FAM216A: variants seen among roughly 807,000 people sequenced by gnomAD.
The protein encoded by FAM216A is protein FAM216A.
Under a neutral mutation model 37.6 loss-of-function variants are expected in FAM216A, and 26 were observed. That is an observed-to-expected ratio of 0.69 (90% CI 0.51 to 0.96). FAM216A has a LOEUF of 0.96. Ranked by LOEUF, FAM216A falls within the 40% of genes least tolerant of loss-of-function variation. The pLI is 0.00. For missense variants in FAM216A, 326 were observed against 339.3 expected (o/e 0.96, Z 0.31); for synonymous variants, 110 against 121.7 (o/e 0.90, Z 0.64).
rs756703988 is a variant in FAM216A at position 110,490,062 on chromosome 12, GGAA to G, written c.753_755del (p.Glu251del). ...AATCACACATGAGTGAAGAAAAAAA[GGAA>G]GAAGATTTACTAAATAATTTTATGC... is the stretch of plus-strand genomic sequence containing the variant. On this transcript the variant is annotated inframe_deletion, in exon 7 of 7. Transcript: ENST00000377673. The G allele has an allele frequency of 8.2e-5, 128 of 1,555,282 alleles. 1 individual carries two copies. In the South Asian group the frequency reaches 1.0e-3, roughly 13 times the overall value.
At chr12:110,477,715 TC>T in intron 2 of FAM216A, among the ~76,000 whole-genome samples, 1 of 151,156 alleles carries the variant, frequency 6.6e-6, no homozygotes, top group Middle Eastern at 3.4e-3. Flanking sequence ...ATGTGCTTTT[TC>T]TTTTTTTTTG....
chr12:110,475,573 CTTTA>C (rs2062710565), intron 2 of FAM216A, among the ~76,000 whole-genome samples: 1 of 151,640 alleles, frequency 6.6e-6, no homozygotes, highest in Admixed American at 6.6e-5. Context: ...TGTGTATTTC[CTTTA>C]TTTATTTATT....
At chr12:110,485,523 A>T (rs750512068) in intron 3 of FAM216A, among the ~76,000 whole-genome samples, 4 of 152,194 alleles carry the variant, frequency 2.6e-5, no homozygotes, top group Non-Finnish European at 4.4e-5. Flanking sequence ...AACTTCACAC[A>T]TATTTTACTC....
At chr12:110,468,814 A>G (rs1331777078), upstream of FAM216A, 3 of 1,459,296 alleles carry the variant, frequency 2.1e-6, no homozygotes, top group Admixed American at 7.3e-5. Flanking sequence ...GCGAGAAGCC[A>G]GCATCCGAGC....
chr12:110,481,331 C>T (rs1246147974), intron 2 of FAM216A, among the ~76,000 whole-genome samples: 1 of 151,992 alleles, frequency 6.6e-6, no homozygotes, highest in African/African-American at 2.4e-5. Context: ...TTTAAATGTT[C>T]GAGGCACTGC....
chr12:110,469,075 C>CCCCGGGTCGTGAGGA, intron 1 of FAM216A, 57 bp downstream of exon 1: 1 of 1,372,284 alleles, frequency 7.3e-7, no homozygotes, highest in Non-Finnish European at 9.4e-7. Context: ...GGTCGTGAGG[C>CCCCGGGTCGTGAGGA]CCCCGGGTCG....
chr12:110,479,185 A>G (rs2062732395), intron 2 of FAM216A, among the ~76,000 whole-genome samples: 3 of 151,792 alleles, frequency 2.0e-5, no homozygotes, highest in Admixed American at 2.0e-4. Flanking sequence ...AAAATTATAT[A>G]TTTAAAGTAG....
chr12:110,479,579 C>T (rs978593742), intron 2 of FAM216A, among the ~76,000 whole-genome samples: 1 of 151,480 alleles, frequency 6.6e-6, no homozygotes, highest in East Asian at 1.9e-4. Context: ...TGGCTCACGC[C>T]TGTAATTCCA....
intron 2 of FAM216A, among the ~76,000 whole-genome samples, chr12:110,479,044 C>T (rs1415773275): frequency 1.3e-5 from 2 of 151,896 alleles, no homozygotes; most frequent in Non-Finnish European, 2.9e-5. Context: ...AAAAAATTAG[C>T]CGGGCGTCGT....
At chr12:110,487,540 T>C (rs1369516522) in intron 5 of FAM216A, 5 of 254,372 alleles carry the variant, frequency 2.0e-5, no homozygotes, top group South Asian at 6.2e-5. Flanking sequence ...GATAGAGTTA[T>C]GGATGACTGC....
chr12:110,471,602 A>G (rs1434364131), intron 1 of FAM216A, among the ~76,000 whole-genome samples: 1 of 152,208 alleles, frequency 6.6e-6, no homozygotes, highest in Non-Finnish European at 1.5e-5. Flanking sequence ...GGTTGCCAGC[A>G]GAGAAGTGAT....
rs112189123 is a variant in FAM216A at position 110,490,379 on chromosome 12, C to T, written c.*242C>T. Reference sequence around the variant, plus strand: ...CTAGATACAATTAAAACTTTTCTTGCATTCAATATTGAATTACTTTTCTTT... The same window carrying T: ...CTAGATACAATTAAAACTTTTCTTGTATTCAATATTGAATTACTTTTCTTT... On this transcript the variant is annotated 3_prime_UTR_variant, in exon 7 of 7. Transcript: ENST00000377673. 1 of 412,574 alleles carries T rather than the reference C, an allele frequency of 2.4e-6. No individual in the cohort carries two copies. 25.6% of individuals were successfully genotyped at this position (412,574 alleles called of 1,614,324 possible).
intron 2 of FAM216A, among the ~76,000 whole-genome samples, chr12:110,476,663 G>A (rs2062716560): frequency 6.6e-6 from 1 of 151,910 alleles, no homozygotes; most frequent in African/African-American, 2.4e-5. Context: ...GAGTAGCTGG[G>A]ATTATAGGCA....
At chr12:110,470,165 C>G (rs2062675023) in intron 1 of FAM216A, among the ~76,000 whole-genome samples, 1 of 151,192 alleles carries the variant, frequency 6.6e-6, no homozygotes, top group African/African-American at 2.4e-5. Flanking sequence ...GTGGTGCCAT[C>G]TCAGCTCACT....
intron 6 of FAM216A, among the ~76,000 whole-genome samples, chr12:110,488,420 A>T (rs1403454533): frequency 6.6e-6 from 1 of 151,782 alleles, no homozygotes; most frequent in Non-Finnish European, 1.5e-5. Context: ...CAAAAAAAAA[A>T]AAAAAAAGAA....
chr12:110,477,345 C>CT (rs2062719873), intron 2 of FAM216A, among the ~76,000 whole-genome samples: 1 of 152,126 alleles, frequency 6.6e-6, no homozygotes, highest in African/African-American at 2.4e-5. Context: ...ATCATCCATT[C>CT]TTTTATTTAT....
At chr12:110,481,554 G>C (rs1233478595) in intron 2 of FAM216A, among the ~76,000 whole-genome samples, 5 of 151,534 alleles carry the variant, frequency 3.3e-5, no homozygotes, top group Non-Finnish European at 7.4e-5. Flanking sequence ...AGTAGAGACG[G>C]GTTTCACCAT....
At chr12:110,473,047 AT>A in intron 1 of FAM216A, 30 bp from the exon 2 acceptor site, 1 of 1,217,488 alleles carries the variant, frequency 8.2e-7, no homozygotes, top group Non-Finnish European at 1.2e-6. Flanking sequence ...TAATTATTAC[AT>A]ATTATTTATA....
At chr12:110,469,417 G>A (rs776937708) in intron 1 of FAM216A, 7 of 202,724 alleles carry the variant, frequency 3.5e-5, no homozygotes, top group African/African-American at 1.1e-4. Context: ...GGTTCAACTG[G>A]GGGCATCCAG....
Sources: gnomAD v4.1 joint callset for allele counts (sites outside exome capture counted in the v4.1 genomes callset) on GRCh38, gnomAD v4.1.1 for gene constraint, MANE v1.5 for transcripts, NCBI Gene and HGNC (gene_info 2026-07-23, HGNC 2026-07-21) for gene names.